Variants in CCDC172 observed in about 807,000 individuals in gnomAD.
CCDC172 encodes coiled-coil domain-containing protein 172.
A neutral mutation model predicts 38.0 loss-of-function variants in CCDC172; 30 were observed. The observed-to-expected ratio is 0.79, with a 90% confidence interval of 0.59 to 1.07. CCDC172 has a LOEUF of 1.07. CCDC172 is among the 50% of genes least tolerant of loss of function. The pLI, the probability that CCDC172 is intolerant of heterozygous loss-of-function variation, is 0.00. For missense variants in CCDC172, 297 were observed against 290.1 expected (o/e 1.02, Z -0.17); for synonymous variants, 78 against 88.3 (o/e 0.88, Z 0.66).
chr10:116,346,666 A>G (rs149041562), intron 5 of CCDC172, among the ~76,000 whole-genome samples: 2 of 151,772 alleles, frequency 1.3e-5, no homozygotes, highest in African/African-American at 4.8e-5. Flanking sequence ...GAAAAAAAAA[A>G]GTCCCTGATA....
chr10:116,353,848 T>G lies in CCDC172; in HGVS notation c.449-3532T>G, dbSNP rs79380501. Among the ~76,000 whole-genome samples, 665 of 152,332 alleles carry G rather than the reference T, an allele frequency of 4.4e-3. 4 individuals are homozygous for G. The highest frequency in any genetic ancestry group is 0.015 in the African/African-American group (641 of 41,580). ...CAATGAGATACCACTAGTGTGGCTA[T>G]AATAAAGGTGGACAGCAATAGTGTT... On this transcript the variant is annotated intron_variant, in intron 5 of 8. Coordinates refer to ENST00000333254, the MANE Select transcript of CCDC172 (RefSeq NM_198515.3).
In CCDC172 at chr10:116,368,035, T is replaced by A. The variant is rs1845144236; in HGVS notation, c.653+10097T>A. On this transcript the variant is annotated intron_variant, in intron 7 of 8. Transcript: ENST00000333254. ...CTTTGAGATTATATGCAAGTTAATTTTTTTTGGCAAGAATATTATGTAAGT... is the reference window on the plus strand; with the variant it reads ...CTTTGAGATTATATGCAAGTTAATTATTTTTGGCAAGAATATTATGTAAGT... 1.3e-5 allele frequency among the ~76,000 whole-genome samples: 2 copies of A among 152,180 alleles called. 1 individual carries two copies. The highest frequency in any genetic ancestry group is 4.1e-4 in the South Asian group (2 of 4,836).
chr10:116,348,425 C>T (rs182490642), intron 5 of CCDC172, among the ~76,000 whole-genome samples: 3 of 152,136 alleles, frequency 2.0e-5, no homozygotes, highest in Non-Finnish European at 4.4e-5. Flanking sequence ...GATTAGTCAG[C>T]CAGTTTCATT....
At chr10:116,327,460 A>G (rs1185722753) in intron 3 of CCDC172, among the ~76,000 whole-genome samples, 1 of 152,070 alleles carries the variant, frequency 6.6e-6, no homozygotes, top group African/African-American at 2.4e-5. Context: ...TTACTCTGTA[A>G]TATTTTCTTT....
At chr10:116,363,070 C>T (rs895802861) in intron 7 of CCDC172, among the ~76,000 whole-genome samples, 1 of 152,166 alleles carries the variant, frequency 6.6e-6, no homozygotes, top group African/African-American at 2.4e-5. Flanking sequence ...CAAAATATTA[C>T]AGTGATTATT....
chr10:116,361,640 T>G lies in CCDC172; in HGVS notation c.653+3702T>G, dbSNP rs571364765. Among the ~76,000 whole-genome samples the G allele has an allele frequency of 7.9e-4, 120 of 152,296 alleles. 1 individual carries two copies. The highest frequency in any genetic ancestry group is 1.0e-3 in the Non-Finnish European group (69 of 68,030). On this transcript the variant is annotated intron_variant, in intron 7 of 8. Transcript: ENST00000333254. ...GTAGTATGGTTTGTGAAGAGCATAT[T>G]TGCAATGTAAGCTGCACAAAAGTTA...
At chr10:116,348,706 C>A (rs1490156887) in intron 5 of CCDC172, among the ~76,000 whole-genome samples, 1 of 152,060 alleles carries the variant, frequency 6.6e-6, no homozygotes, top group Non-Finnish European at 1.5e-5. Context: ...ACCTGTTTTG[C>A]CATCCCTGCA....
chr10:116,359,634 G>T (rs1845039930), intron 7 of CCDC172, among the ~76,000 whole-genome samples: 1 of 152,138 alleles, frequency 6.6e-6, no homozygotes, highest in South Asian at 2.1e-4. Context: ...GTCCGCTGGG[G>T]AAGGGGGTTG....
intron 7 of CCDC172, among the ~76,000 whole-genome samples, chr10:116,362,809 A>G (rs895860347): frequency 2.0e-5 from 3 of 152,114 alleles, no homozygotes; most frequent in African/African-American, 7.2e-5. Context: ...TTGACTCTGC[A>G]TCTTTTCTGG....
Position 116,379,550 on chromosome 10 carries a change from C to T in CCDC172, c.*192C>T, listed in dbSNP as rs556596966. On this transcript the variant is annotated 3_prime_UTR_variant, in exon 9 of 9. Coordinates refer to ENST00000333254, the MANE Select transcript of CCDC172 (RefSeq NM_198515.3). ...GATAATTTTTGTCTTGTTACTCAAA[C>T]TTTAAGAGTTCTTCTGTGGTTTGAT... is the stretch of plus-strand genomic sequence containing the variant. The T allele has an allele frequency of 1.7e-5, 7 of 412,902 alleles. No homozygotes were observed. The East Asian group carries it at 2.6e-4, about 16-fold the overall frequency. 25.6% of individuals were successfully genotyped at this position (412,902 alleles called of 1,614,324 possible).
At chr10:116,378,814 G>C (rs776495566) in intron 8 of CCDC172, among the ~76,000 whole-genome samples, 4 of 152,078 alleles carry the variant, frequency 2.6e-5, no homozygotes, top group Non-Finnish European at 5.9e-5. Flanking sequence ...TGTTATTAGA[G>C]GATTACTGCA....
chr10:116,355,635 C>T (rs1182417120), intron 5 of CCDC172, among the ~76,000 whole-genome samples: 1 of 152,072 alleles, frequency 6.6e-6, no homozygotes, highest in African/African-American at 2.4e-5. Context: ...TATATTCAGG[C>T]ATCAAATAAA....
At chr10:116,347,400 C>G (rs1844880631) in intron 5 of CCDC172, among the ~76,000 whole-genome samples, 1 of 152,038 alleles carries the variant, frequency 6.6e-6, no homozygotes, top group Non-Finnish European at 1.5e-5. Flanking sequence ...GGAAAGGGAG[C>G]AGATTGAGGT....
intron 5 of CCDC172, among the ~76,000 whole-genome samples, chr10:116,353,622 T>G (rs1242570873): frequency 2.0e-5 from 3 of 152,216 alleles, no homozygotes; most frequent in African/African-American, 7.2e-5. Context: ...GGGGCTTGTC[T>G]TCCAGGACAA....
chr10:116,361,043 AT>A (rs1845058112), intron 7 of CCDC172, among the ~76,000 whole-genome samples: 1 of 5,294 alleles, frequency 1.9e-4, no homozygotes, highest in Non-Finnish European at 1.4e-3. Context: ...TATTATTATT[AT>A]TATTATTATT....
chr10:116,336,355 G>C (rs1844733710), intron 3 of CCDC172, among the ~76,000 whole-genome samples: 2 of 140,608 alleles, frequency 1.4e-5, no homozygotes, highest in Admixed American at 1.5e-4. Context: ...AAGTGAGGAG[G>C]TGACTGATAG....
At chr10:116,344,963 A>C (rs901262098) in intron 5 of CCDC172, among the ~76,000 whole-genome samples, 3 of 151,936 alleles carry the variant, frequency 2.0e-5, no homozygotes, top group African/African-American at 7.2e-5. Flanking sequence ...ATCTTGTCCC[A>C]CTGGAAGGTC....
intron 7 of CCDC172, among the ~76,000 whole-genome samples, chr10:116,370,116 A>G (rs1019702100): frequency 1.3e-5 from 2 of 151,330 alleles, no homozygotes. Flanking sequence ...TATCTGTGAC[A>G]TATGTGGCAA....
At chr10:116,338,433 G>A (rs536152068) in intron 3 of CCDC172, among the ~76,000 whole-genome samples, 1 of 152,146 alleles carries the variant, frequency 6.6e-6, no homozygotes, top group East Asian at 1.9e-4. Flanking sequence ...GAATGAAGAG[G>A]AGATAAACTA....
Sources: gnomAD v4.1 joint callset for allele counts (sites outside exome capture counted in the v4.1 genomes callset) on GRCh38, gnomAD v4.1.1 for gene constraint, MANE v1.5 for transcripts, NCBI Gene and HGNC (gene_info 2026-07-23, HGNC 2026-07-21) for gene names.